Variants in KCND3 observed in about 807,000 individuals in gnomAD.
KCND3 encodes potassium voltage-gated channel subfamily D member 3, also known as A-type voltage-gated potassium channel KCND3.
KCND3 carries 9 observed loss-of-function variants against 51.1 expected under a neutral mutation model. The ratio of observed to expected loss-of-function variants is 0.18; its 90% CI spans 0.11 to 0.31. The LOEUF (loss-of-function observed/expected upper bound fraction) is 0.31. KCND3 is among the 10% of genes least tolerant of loss of function. The probability of loss-of-function intolerance (pLI) is 1.00; values close to 1 mark genes in which losing one functional copy is unlikely to be tolerated. For missense variants in KCND3, 526 were observed against 903.8 expected (o/e 0.58, Z 5.36); for synonymous variants, 349 against 368.0 (o/e 0.95, Z 0.59).
At position 111,778,421 on chromosome 1, in the gene KCND3, T is replaced by C. The variant is rs376237252; in HGVS notation, c.1518+15A>G. On this transcript the variant is annotated intron_variant, in intron 6 of 7. Coordinates refer to ENST00000302127, the MANE Select transcript of KCND3 (RefSeq NM_001378969.1). The stretch of plus-strand genomic sequence containing the variant: ...CAGAGAGAAAAACATCAATTGAATT[T>C]TTAAAAAGTTATACCTTGATGGTGG... 5.0e-6 allele frequency: 8 copies of C among 1,611,076 alleles called. No homozygotes were observed. The highest frequency in any genetic ancestry group is 6.8e-6 in the Non-Finnish European group (8 of 1,177,310).
At position 111,979,152 on chromosome 1, in the gene KCND3, C is replaced by T. The variant is rs537014190; in HGVS notation, c.1106+2469G>A. 2.0e-5 allele frequency among the ~76,000 whole-genome samples: 3 copies of T among 152,306 alleles called. No individual in the cohort carries two copies. In the East Asian group the frequency reaches 5.8e-4, roughly 29 times the overall value. On this transcript the variant is annotated intron_variant, in intron 2 of 7. Coordinates refer to ENST00000302127, the MANE Select transcript of KCND3 (RefSeq NM_001378969.1). ...GGGGTGAGGGAACCCACCAGGTCCACGTTCAGGGAAAGCATGCTTCTCCCT... is the reference window on the plus strand; with the variant it reads ...GGGGTGAGGGAACCCACCAGGTCCATGTTCAGGGAAAGCATGCTTCTCCCT...
chr1:111,872,924 T>C (rs1668890470), intron 2 of KCND3, among the ~76,000 whole-genome samples: 1 of 152,198 alleles, frequency 6.6e-6, no homozygotes, highest in African/African-American at 2.4e-5. Context: ...CCAGGTACAA[T>C]GTTAGGCATT....
chr1:111,955,838 T>C (rs1350490259), intron 2 of KCND3, among the ~76,000 whole-genome samples: 1 of 152,192 alleles, frequency 6.6e-6, no homozygotes, highest in African/African-American at 2.4e-5. Flanking sequence ...ACCTTAAGCA[T>C]GAGGACGCCA....
intron 2 of KCND3, among the ~76,000 whole-genome samples, chr1:111,972,168 CTTTTTTT>C (rs56102317): frequency 1.2e-5 from 1 of 80,202 alleles, no homozygotes; most frequent in Non-Finnish European, 2.3e-5. Flanking sequence ...ATTTGTATAT[CTTTTTTT>C]TTTTTTTTTT....
intron 2 of KCND3, among the ~76,000 whole-genome samples, chr1:111,853,478 T>C (rs1414522754): frequency 6.6e-6 from 1 of 152,128 alleles, no homozygotes; most frequent in Non-Finnish European, 1.5e-5. Context: ...CTCCCCTCAC[T>C]TCCTTCACAT....
chr1:111,866,646 A>G lies in KCND3; in HGVS notation c.1107-79540T>C, dbSNP rs182438300. Among the ~76,000 whole-genome samples, 153 of 148,740 alleles carry G rather than the reference A, an allele frequency of 1.0e-3. 2 individuals are homozygous for G. The highest frequency in any genetic ancestry group is 1.9e-3 in the Non-Finnish European group (129 of 67,354). On this transcript the variant is annotated intron_variant, in intron 2 of 7. Transcript: ENST00000302127. The stretch of plus-strand genomic sequence containing the variant: ...CACGGCTGAGAAGCTGAGTAGTGTT[A>G]TTTTGGGTCACAAACGAGGTGTGAC...
intron 2 of KCND3, among the ~76,000 whole-genome samples, chr1:111,830,529 G>A (rs1307889096): frequency 6.6e-6 from 1 of 152,202 alleles, no homozygotes; most frequent in East Asian, 1.9e-4. Flanking sequence ...CTCACTCTCA[G>A]GGACAACCCT....
chr1:111,926,769 G>A (rs529737192), intron 2 of KCND3, among the ~76,000 whole-genome samples: 21 of 152,392 alleles, frequency 1.4e-4, no homozygotes, highest in African/African-American at 4.3e-4. Context: ...CTTGTTCATC[G>A]CTCGGGGCTG....
At chr1:111,830,792 G>A (rs1256088304) in intron 2 of KCND3, among the ~76,000 whole-genome samples, 1 of 152,168 alleles carries the variant, frequency 6.6e-6, no homozygotes, top group Non-Finnish European at 1.5e-5. Flanking sequence ...GTATTTTAAT[G>A]TGTAATGGGA....
chr1:111,945,365 C>T (rs749447880), intron 2 of KCND3, among the ~76,000 whole-genome samples: 3 of 152,216 alleles, frequency 2.0e-5, no homozygotes, highest in Non-Finnish European at 4.4e-5. Context: ...CAGCCTTCAA[C>T]GTCAAGGGCA....
chr1:111,783,577 G>A (rs1664479301), intron 3 of KCND3, among the ~76,000 whole-genome samples: 1 of 151,478 alleles, frequency 6.6e-6, no homozygotes, highest in South Asian at 2.1e-4. Flanking sequence ...TTAACCATGA[G>A]TATTTCTATC....
chr1:111,871,522 A>G (rs1253551435), intron 2 of KCND3, among the ~76,000 whole-genome samples: 1 of 152,220 alleles, frequency 6.6e-6, no homozygotes, highest in Non-Finnish European at 1.5e-5. Flanking sequence ...GAACAAAGTT[A>G]AAGGGGTAAA....
chr1:111,892,406 A>G (rs1669874561), intron 2 of KCND3, among the ~76,000 whole-genome samples: 1 of 152,188 alleles, frequency 6.6e-6, no homozygotes, highest in Non-Finnish European at 1.5e-5. Context: ...ACCTCAGGCA[A>G]GTGGTTTTCC....
At chr1:111,917,640 T>C (rs4839185) in intron 2 of KCND3, among the ~76,000 whole-genome samples, 38,440 of 152,052 alleles carry the variant, frequency 0.25, 5,259 homozygotes, top group Non-Finnish European at 0.32. Context: ...TACTTCTCCA[T>C]CAAAGGCCAT....
At chr1:111,942,785 G>A (rs768730563) in intron 2 of KCND3, among the ~76,000 whole-genome samples, 2 of 152,146 alleles carry the variant, frequency 1.3e-5, no homozygotes, top group Admixed American at 6.5e-5. Flanking sequence ...TTTTAAGTCA[G>A]GAAGGAACTA....
At chr1:111,975,243 G>A (rs1571929401) in intron 2 of KCND3, among the ~76,000 whole-genome samples, 1 of 152,198 alleles carries the variant, frequency 6.6e-6, no homozygotes, top group Non-Finnish European at 1.5e-5. Context: ...CAACTCAGGT[G>A]CTCTGGCTGG....
At chr1:111,824,823 A>G (rs370612675) in intron 2 of KCND3, among the ~76,000 whole-genome samples, 22 of 152,246 alleles carry the variant, frequency 1.4e-4, no homozygotes, top group Middle Eastern at 3.4e-3. Flanking sequence ...TTTTCCACAC[A>G]TAGTTACATT....
At chr1:111,864,733 A>G (rs992519571) in intron 2 of KCND3, among the ~76,000 whole-genome samples, 1 of 152,094 alleles carries the variant, frequency 6.6e-6, no homozygotes, top group Non-Finnish European at 1.5e-5. Flanking sequence ...CAGCTTCCCA[A>G]ACTATGCCCT....
At chr1:111,975,431 C>T (rs1446540432) in intron 2 of KCND3, among the ~76,000 whole-genome samples, 1 of 152,160 alleles carries the variant, frequency 6.6e-6, no homozygotes, top group Non-Finnish European at 1.5e-5. Flanking sequence ...GACCAACAAG[C>T]ACTTCCTGAG....
Sources: gnomAD v4.1 joint callset for allele counts (sites outside exome capture counted in the v4.1 genomes callset) on GRCh38, gnomAD v4.1.1 for gene constraint, MANE v1.5 for transcripts, NCBI Gene and HGNC (gene_info 2026-07-23, HGNC 2026-07-21) for gene names.